PRKAR1B: variants seen among roughly 807,000 people sequenced by gnomAD.
PRKAR1B encodes cAMP-dependent protein kinase type I-beta regulatory subunit.
A neutral mutation model predicts 46.5 loss-of-function variants in PRKAR1B; 22 were observed. The observed-to-expected ratio is 0.47, with a 90% CI of 0.34 to 0.68. The LOEUF (loss-of-function observed/expected upper bound fraction) is 0.68. Ranked by LOEUF, PRKAR1B falls within the 30% of genes least tolerant of loss-of-function variation. The pLI is 0.01. For missense variants in PRKAR1B, 445 were observed against 535.6 expected, an observed-to-expected ratio of 0.83 and a Z score of 1.67; for synonymous variants, 259 against 217.7, an observed-to-expected ratio of 1.19 and a Z score of -1.67.
At chr7:640,222 A>T (rs1171041673) in intron 4 of PRKAR1B, among the ~76,000 whole-genome samples, 3 of 152,212 alleles carry the variant, frequency 2.0e-5, no homozygotes. Context: ...CACTTCAAAA[A>T]ACACCATTAA....
intron 2 of PRKAR1B, among the ~76,000 whole-genome samples, chr7:702,424 C>A (rs1472792819): frequency 1.3e-5 from 2 of 151,994 alleles, no homozygotes; most frequent in African/African-American, 2.4e-5. Flanking sequence ...ATAAAAGTAA[C>A]CATCTTAAAA....
chr7:582,872 G>A (rs1008016571), intron 8 of PRKAR1B, among the ~76,000 whole-genome samples: 1 of 152,254 alleles, frequency 6.6e-6, no homozygotes, highest in Non-Finnish European at 1.5e-5. Flanking sequence ...GGGAGCAAAT[G>A]TCCCCCTCTC....
At chr7:679,463 TC>T (rs1260920674) in intron 3 of PRKAR1B, among the ~76,000 whole-genome samples, 1 of 152,232 alleles carries the variant, frequency 6.6e-6, no homozygotes, top group East Asian at 1.9e-4. Context: ...AAGTTCTGGG[TC>T]TTGGGGAGGA....
Position 666,178 on chromosome 7 carries a change from C to T in PRKAR1B, c.440+11051G>A, listed in dbSNP as rs114279051. Among the ~76,000 whole-genome samples, 3,766 of 152,156 alleles carry T rather than the reference C, an allele frequency of 0.025. 168 individuals carry two copies. The highest frequency in any genetic ancestry group is 0.085 in the African/African-American group (3,539 of 41,424). On this transcript the variant is annotated intron_variant, in intron 4 of 10. Transcript: ENST00000537384. This position sits in a 1 kb window ranked among gnomAD's most constrained non-coding sequence, Gnocchi z 4.9. ...TAATCAGGGAAAGCCGGGAAGGGAC[C>T]GGGATAGAACCCAAGGGCCTCCACC...
Position 550,541 on chromosome 7 carries a change from G to C in PRKAR1B, c.1035C>G (p.Leu345=). 4 of 1,605,820 alleles carry C rather than the reference G, an allele frequency of 2.5e-6. No individual in the cohort carries two copies. The highest frequency in any genetic ancestry group is 3.4e-6 in the Non-Finnish European group (4 of 1,176,778). ...GGGGCCGGTCCAGCTTCACACACTTGAGGGGCCCCCGGGCCACGACAGTGG... is the reference window on the plus strand; with the variant it reads ...GGGGCCGGTCCAGCTTCACACACTTCAGGGGCCCCCGGGCCACGACAGTGG... The part of the protein sequence containing the change: ...RAATVVARGP[L]KCVKLDRPRF... The change falls in exon 11 of 11, where the codon CTC becomes CTG. Residue 345 remains leucine (L), a synonymous_variant. Coordinates refer to ENST00000537384, the MANE Select transcript of PRKAR1B (RefSeq NM_001164760.2).
At chr7:711,197 C>T in intron 2 of PRKAR1B, 132 bp downstream of exon 2, 1 of 1,287,904 alleles carries the variant, frequency 7.8e-7, no homozygotes. Flanking sequence ...CTGGAAGGAC[C>T]TGCAGGACGG....
At chr7:595,939 G>C (rs1347006502) in intron 7 of PRKAR1B, among the ~76,000 whole-genome samples, 1 of 152,210 alleles carries the variant, frequency 6.6e-6, no homozygotes, top group South Asian at 2.1e-4. Context: ...AAGGAGGACG[G>C]TGAAGGGGCC....
chr7:595,444 G>T (rs931562406), intron 7 of PRKAR1B, among the ~76,000 whole-genome samples: 8 of 152,312 alleles, frequency 5.3e-5, no homozygotes, highest in Non-Finnish European at 7.4e-5. Flanking sequence ...GACTCCAGCT[G>T]CCCTGCCTGT....
chr7:612,818 C>A (rs533344885), intron 4 of PRKAR1B, among the ~76,000 whole-genome samples: 1 of 149,424 alleles, frequency 6.7e-6, no homozygotes, highest in East Asian at 1.9e-4. Context: ...CGAAGCACTG[C>A]CAGCAACAGA....
intron 4 of PRKAR1B, among the ~76,000 whole-genome samples, chr7:669,806 A>T (rs1786126486): frequency 6.6e-6 from 1 of 151,428 alleles, no homozygotes; most frequent in Non-Finnish European, 1.5e-5. Flanking sequence ...TATGTGATAT[A>T]TATTTGCCAC....
chr7:655,199 C>T (rs181286341), intron 4 of PRKAR1B, among the ~76,000 whole-genome samples: 30 of 152,306 alleles, frequency 2.0e-4, no homozygotes, highest in Middle Eastern at 3.4e-3. Context: ...CCTTCTAGGG[C>T]CTCCCATCTC....
intron 6 of PRKAR1B, among the ~76,000 whole-genome samples, chr7:598,123 A>G (rs1781371128): frequency 6.6e-6 from 1 of 152,232 alleles, no homozygotes; most frequent in African/African-American, 2.4e-5. Context: ...GCACAGCTTC[A>G]GGAGGCATTC....
At chr7:627,807 C>T (rs993659756) in intron 4 of PRKAR1B, among the ~76,000 whole-genome samples, 1 of 152,198 alleles carries the variant, frequency 6.6e-6, no homozygotes, top group Non-Finnish European at 1.5e-5. Context: ...ATCCAGGCCA[C>T]GACTGCCAGC....
At chr7:643,801 G>A (rs1784502718) in intron 4 of PRKAR1B, among the ~76,000 whole-genome samples, 1 of 152,122 alleles carries the variant, frequency 6.6e-6, no homozygotes, top group South Asian at 2.1e-4. Flanking sequence ...TGTCAGCTGA[G>A]GCGGCCATGT....
intron 9 of PRKAR1B, among the ~76,000 whole-genome samples, chr7:573,424 A>G (rs1779638952): frequency 6.6e-6 from 1 of 151,490 alleles, no homozygotes; most frequent in South Asian, 2.1e-4. Context: ...CCCTCCCCAC[A>G]TGCCCCTCCT....
intron 4 of PRKAR1B, among the ~76,000 whole-genome samples, chr7:616,435 C>T (rs772009114): frequency 9.2e-5 from 14 of 152,250 alleles, no homozygotes; most frequent in South Asian, 4.1e-4. Flanking sequence ...CTCACTGATC[C>T]GGGGGACCAG....
Position 568,191 on chromosome 7 carries a change from G to A in PRKAR1B, c.891+11065C>T, listed in dbSNP as rs140710628. Among the ~76,000 whole-genome samples the A allele has an allele frequency of 8.2e-3, 1,249 of 152,128 alleles. 11 individuals are homozygous for A. Among genetic ancestry groups the A allele is most frequent in the Non-Finnish European group, 0.014 (946 of 67,988 alleles). On this transcript the variant is annotated intron_variant, in intron 9 of 10. Coordinates refer to ENST00000537384, the MANE Select transcript of PRKAR1B (RefSeq NM_001164760.2). ...GGCCAGGGTGAGGTCACAGCCCCCC[G>A]TGCCGCTAAGCACCCCCTCGGTCTG...
chr7:678,810 G>C (rs1253187216), intron 3 of PRKAR1B, among the ~76,000 whole-genome samples: 1 of 152,264 alleles, frequency 6.6e-6, no homozygotes, highest in Non-Finnish European at 1.5e-5. Flanking sequence ...TGTTGGATGG[G>C]CGTGGTGGCT....
Position 711,110 on chromosome 7 carries a change from A to G in PRKAR1B, c.177+219T>C, listed in dbSNP as rs1315317245. On this transcript the variant is annotated intron_variant, in intron 2 of 10. Coordinates refer to ENST00000537384, the MANE Select transcript of PRKAR1B (RefSeq NM_001164760.2). ...AAGGGGGAATTCTGTGGCTCAGAGG[A>G]CCCCACCTAGAGGCATGAATCTCGG... is the stretch of plus-strand genomic sequence containing the variant. Among the ~76,000 whole-genome samples, 4 of 152,054 alleles carry G rather than the reference A, an allele frequency of 2.6e-5. No homozygotes were observed. In the East Asian group the frequency reaches 7.7e-4, roughly 29 times the overall value.
Sources: allele counts gnomAD v4.1 joint callset (sites outside exome capture counted in the v4.1 genomes callset), GRCh38; gene constraint gnomAD v4.1.1; non-coding constraint Gnocchi (gnomAD v3.1); transcripts MANE v1.5; gene names NCBI Gene and HGNC (gene_info 2026-07-23, HGNC 2026-07-21).